The following THSD7B variants were observed in gnomAD, a reference collection of about 807,000 sequenced individuals.
THSD7B encodes the protein thrombospondin type-1 domain-containing protein 7B.
In THSD7B, 138 loss-of-function variants were observed where a neutral mutation model predicts 213.6. That is an observed-to-expected ratio of 0.65 (90% CI 0.56 to 0.74). THSD7B has a LOEUF of 0.74. Ranked by LOEUF, THSD7B falls within the 30% of genes least tolerant of loss-of-function variation. The pLI is 0.00. For synonymous variants in THSD7B, 742 were observed against 687.0 expected (o/e 1.08, Z -1.25); for missense variants, 1,931 against 1,991.5 (o/e 0.97, Z 0.58).
chr2:137,144,031 C>T (rs1679643043), intron 5 of THSD7B, among the ~76,000 whole-genome samples: 2 of 152,018 alleles, frequency 1.3e-5, no homozygotes, highest in Admixed American at 6.6e-5. Context: ...CTTGACTCTA[C>T]AGGTACTTAT....
At chr2:137,638,771 G>C (rs1187903264) in intron 20 of THSD7B, among the ~76,000 whole-genome samples, 3 of 152,186 alleles carry the variant, frequency 2.0e-5, no homozygotes, top group Non-Finnish European at 4.4e-5. Flanking sequence ...CTGGAGGAAA[G>C]GTGACTCTTG....
At chr2:137,004,526 A>G (rs886576552) in intron 2 of THSD7B, among the ~76,000 whole-genome samples, 1 of 152,212 alleles carries the variant, frequency 6.6e-6, no homozygotes, top group African/African-American at 2.4e-5. Flanking sequence ...CAAAAATACA[A>G]ATACATCCCA....
At chr2:137,228,415 G>A (rs1276811914) in intron 7 of THSD7B, among the ~76,000 whole-genome samples, 1 of 152,098 alleles carries the variant, frequency 6.6e-6, no homozygotes, top group East Asian at 1.9e-4. Flanking sequence ...TGAATGTAAT[G>A]ACAGGGAGGA....
chr2:137,455,156 A>G (rs1434636361), intron 15 of THSD7B, among the ~76,000 whole-genome samples: 3 of 152,284 alleles, frequency 2.0e-5, no homozygotes, highest in South Asian at 4.1e-4. Flanking sequence ...AACTCATTCC[A>G]GTCCCTGTAC....
chr2:136,963,069 T>C (rs1212187082), intron 2 of THSD7B, among the ~76,000 whole-genome samples: 1 of 152,188 alleles, frequency 6.6e-6, no homozygotes, highest in African/African-American at 2.4e-5. Context: ...GGTCAAAATA[T>C]TGATTTTTGT....
intron 5 of THSD7B, among the ~76,000 whole-genome samples, chr2:137,154,476 A>G (rs1473699140): frequency 6.6e-6 from 1 of 152,168 alleles, no homozygotes; most frequent in African/African-American, 2.4e-5. Flanking sequence ...CTGTATTTAA[A>G]CTAAAGAGGG....
chr2:137,480,242 T>C (rs1218967161), intron 15 of THSD7B, among the ~76,000 whole-genome samples: 1 of 152,186 alleles, frequency 6.6e-6, no homozygotes, highest in Non-Finnish European at 1.5e-5. Context: ...CGTCTTGAAG[T>C]CCTGCTTATA....
chr2:136,932,432 C>T (rs935639927), intron 2 of THSD7B, among the ~76,000 whole-genome samples: 1 of 152,092 alleles, frequency 6.6e-6, no homozygotes, highest in Admixed American at 6.6e-5. Flanking sequence ...CTGGCCCCTG[C>T]GAAGTCAAAA....
At chr2:137,394,591 AGT>A (rs1686125743) in intron 12 of THSD7B, among the ~76,000 whole-genome samples, 1 of 136,254 alleles carries the variant, frequency 7.3e-6, no homozygotes, top group Admixed American at 7.2e-5. Flanking sequence ...GAAGTCAGGT[AGT>A]GTGATGCCTC....
intron 3 of THSD7B, among the ~76,000 whole-genome samples, chr2:137,079,665 G>A (rs1428533321): frequency 6.6e-6 from 1 of 152,148 alleles, no homozygotes; most frequent in Non-Finnish European, 1.5e-5. Context: ...TTATGTGTCA[G>A]TGTAAACACT....
intron 1 of THSD7B, among the ~76,000 whole-genome samples, chr2:136,877,831 G>C (rs1000025523): frequency 1.3e-5 from 2 of 151,796 alleles, no homozygotes; most frequent in Admixed American, 6.6e-5. Flanking sequence ...TTTTCCTGGG[G>C]GGAAAAAAAA....
intron 1 of THSD7B, among the ~76,000 whole-genome samples, chr2:136,872,618 TTCTC>T (rs959956029): frequency 2.2e-4 from 33 of 151,290 alleles, no homozygotes; most frequent in Non-Finnish European, 1.3e-4. Context: ...TCTTTCTTCT[TTCTC>T]TTTCTTTTCT....
chr2:137,168,519 C>G (rs1286678247), intron 6 of THSD7B, among the ~76,000 whole-genome samples: 1 of 152,116 alleles, frequency 6.6e-6, no homozygotes, highest in Non-Finnish European at 1.5e-5. Context: ...AAGGGCAGCA[C>G]AAATGAAAGA....
intron 17 of THSD7B, among the ~76,000 whole-genome samples, chr2:137,605,686 T>A (rs1474017919): frequency 8.7e-6 from 1 of 114,894 alleles, no homozygotes; most frequent in Admixed American, 8.9e-5. Flanking sequence ...TTTTTTTTTT[T>A]TGAGACGGAG....
intron 15 of THSD7B, among the ~76,000 whole-genome samples, chr2:137,527,941 G>A (rs1457482662): frequency 1.3e-5 from 2 of 152,004 alleles, no homozygotes; most frequent in Non-Finnish European, 2.9e-5. Context: ...TTTGTTTCCT[G>A]AATCAATTAA....
chr2:137,274,263 T>C (rs1466706137), intron 11 of THSD7B, among the ~76,000 whole-genome samples: 2 of 152,146 alleles, frequency 1.3e-5, no homozygotes. Context: ...AGGGAGGAAG[T>C]TGTCTTAGGA....
At position 136,908,436 on chromosome 2, in the gene THSD7B, G is replaced by T. The variant is rs377088650; in HGVS notation, c.139+26119G>T. On this transcript the variant is annotated intron_variant, in intron 2 of 27. Transcript: ENST00000409968. ...GAAATGAGTAGCAAAATTGGAATTTGAACTAGAATATAATTGATAATAGAC... is the reference window on the plus strand; with the variant it reads ...GAAATGAGTAGCAAAATTGGAATTTTAACTAGAATATAATTGATAATAGAC... Among the ~76,000 whole-genome samples, 88 of 152,272 alleles carry T rather than the reference G, an allele frequency of 5.8e-4. 3 individuals carry two copies. The East Asian group carries it at 0.012, about 21-fold the overall frequency.
At chr2:137,099,988 A>G (rs906358368) in intron 4 of THSD7B, among the ~76,000 whole-genome samples, 2 of 152,058 alleles carry the variant, frequency 1.3e-5, no homozygotes, top group Admixed American at 6.6e-5. Flanking sequence ...ATGCTGAGAG[A>G]TCTATCTGGG....
chr2:137,095,297 C>G (rs1178544440), intron 4 of THSD7B, among the ~76,000 whole-genome samples, 176 bp downstream of exon 4: 1 of 152,138 alleles, frequency 6.6e-6, no homozygotes, highest in Non-Finnish European at 1.5e-5. Flanking sequence ...GGTGTTGACT[C>G]CCTTGGTTTA....
Sources: allele counts gnomAD v4.1 joint callset (sites outside exome capture counted in the v4.1 genomes callset), GRCh38; gene constraint gnomAD v4.1.1; transcripts MANE v1.5; gene names NCBI Gene and HGNC (gene_info 2026-07-23, HGNC 2026-07-21).